The following NEK11 variants were observed in gnomAD, a reference collection of about 807,000 sequenced individuals.
NEK11 encodes the protein serine/threonine-protein kinase Nek11.
NEK11 carries 72 observed loss-of-function variants against 80.7 expected under a neutral mutation model. That is an observed-to-expected ratio of 0.89 (90% CI 0.74 to 1.08). The LOEUF is 1.08. Ranked by LOEUF, NEK11 falls within the 50% of genes least tolerant of loss-of-function variation. The probability of loss-of-function intolerance (pLI) is 0.00; values close to 1 mark genes in which losing one functional copy is unlikely to be tolerated. For synonymous variants in NEK11, 251 were observed against 260.7 expected, an observed-to-expected ratio of 0.96 and a Z score of 0.36; for missense variants, 764 against 763.6, an observed-to-expected ratio of 1.00 and a Z score of -0.01.
intron 17 of NEK11, among the ~76,000 whole-genome samples, chr3:131,280,053 T>C (rs1561349037): frequency 1.3e-5 from 2 of 152,308 alleles, no homozygotes; most frequent in East Asian, 3.9e-4. Context: ...TATTGAGATT[T>C]CTAGGGATCA....
intron 17 of NEK11, among the ~76,000 whole-genome samples, chr3:131,297,819 C>A (rs565501652): frequency 2.6e-5 from 4 of 152,274 alleles, no homozygotes; most frequent in Non-Finnish European, 4.4e-5. Context: ...AGTCTTTAAT[C>A]CATCTTGAAT....
In NEK11 at chr3:131,174,410, A is replaced by T. The variant is rs142056524; in HGVS notation, c.1399+3523A>T. 9.7e-3 allele frequency among the ~76,000 whole-genome samples: 1,479 copies of T among 152,346 alleles called. 31 individuals carry two copies. Among genetic ancestry groups the T allele is most frequent in the African/African-American group, 0.034 (1,406 of 41,586 alleles). ...AATTTGTATTTATTTTTTATTTGGC[A>T]TGTATATGTAAAATAAAATTATACA... On this transcript the variant is annotated intron_variant, in intron 14 of 17. Transcript: ENST00000383366.
intron 17 of NEK11, among the ~76,000 whole-genome samples, chr3:131,304,764 G>A (rs1056364205): frequency 5.3e-5 from 8 of 152,094 alleles, no homozygotes; most frequent in African/African-American, 1.2e-4. Context: ...AGGTGTTCCC[G>A]GTCTGCTAGC....
At chr3:131,101,935 A>T (rs2078425429) in intron 4 of NEK11, among the ~76,000 whole-genome samples, 1 of 152,164 alleles carries the variant, frequency 6.6e-6, no homozygotes, top group Admixed American at 6.5e-5. Context: ...TGGTATAGTT[A>T]AGCCTTCTTG....
intron 14 of NEK11, among the ~76,000 whole-genome samples, chr3:131,184,424 CAA>C (rs917582076): frequency 1.3e-5 from 2 of 152,118 alleles, no homozygotes; most frequent in Admixed American, 1.3e-4. Flanking sequence ...ACTCTAAACC[CAA>C]AAGAGTATGG....
At chr3:131,087,344 A>C (rs945697719) in intron 4 of NEK11, among the ~76,000 whole-genome samples, 3 of 150,662 alleles carry the variant, frequency 2.0e-5, no homozygotes, top group Admixed American at 1.3e-4. Flanking sequence ...CCCAGGTTCA[A>C]GCAATTCTCC....
chr3:131,233,022 AAGGAAGGAAG>A (rs2095361300), intron 15 of NEK11, among the ~76,000 whole-genome samples: 1 of 149,478 alleles, frequency 6.7e-6, no homozygotes, highest in African/African-American at 2.5e-5. Context: ...GGAAGGAAGG[AAGGAAGGAAG>A]GAAGGTTGGA....
intron 17 of NEK11, among the ~76,000 whole-genome samples, chr3:131,324,148 A>G (rs1408020269): frequency 6.6e-6 from 1 of 152,202 alleles, no homozygotes; most frequent in Non-Finnish European, 1.5e-5. Context: ...TTTATGGCCA[A>G]TGGGCATGGC....
At chr3:131,290,179 GGCAGA>G (rs2096529135) in intron 17 of NEK11, among the ~76,000 whole-genome samples, 1 of 152,126 alleles carries the variant, frequency 6.6e-6, no homozygotes, top group Non-Finnish European at 1.5e-5. Flanking sequence ...TACACTATTG[GGCAGA>G]GCCCTGTTAC....
intron 3 of NEK11, among the ~76,000 whole-genome samples, chr3:131,045,742 A>G (rs1251077724): frequency 2.0e-5 from 3 of 151,988 alleles, no homozygotes; most frequent in Non-Finnish European, 2.9e-5. Context: ...TGTCTATCTC[A>G]TTTCTTAGGT....
intron 17 of NEK11, among the ~76,000 whole-genome samples, chr3:131,308,284 T>C (rs2096742262): frequency 6.6e-6 from 1 of 152,226 alleles, no homozygotes; most frequent in Admixed American, 6.5e-5. Flanking sequence ...TGGGTTGGTT[T>C]GCCTATTCTT....
chr3:131,158,061 C>A (rs2090977915), intron 10 of NEK11, among the ~76,000 whole-genome samples: 1 of 152,110 alleles, frequency 6.6e-6, no homozygotes, highest in African/African-American at 2.4e-5. Flanking sequence ...ACTCTGCAGG[C>A]AGTCTTACCC....
At chr3:131,312,832 T>G (rs2096795125) in intron 17 of NEK11, among the ~76,000 whole-genome samples, 1 of 151,944 alleles carries the variant, frequency 6.6e-6, no homozygotes, top group Non-Finnish European at 1.5e-5. Context: ...TTTTAAAAAC[T>G]TTTTTTTAGT....
chr3:131,318,849 T>C (rs1334461279), intron 17 of NEK11, among the ~76,000 whole-genome samples: 1 of 151,720 alleles, frequency 6.6e-6, no homozygotes, highest in African/African-American at 2.4e-5. Context: ...TTTGAATAAC[T>C]TAGGACATTC....
intron 17 of NEK11, among the ~76,000 whole-genome samples, chr3:131,348,139 T>G (rs556491589): frequency 7.2e-5 from 11 of 152,286 alleles, no homozygotes; most frequent in Middle Eastern, 3.4e-3. Flanking sequence ...CACATATAAA[T>G]TTTTAGAGTG....
intron 17 of NEK11, chr3:131,330,929 G>GA (rs1489828841): frequency 7.0e-6 from 1 of 142,312 alleles, no homozygotes; most frequent in African/African-American, 2.6e-5. Flanking sequence ...AGAAGGAAGG[G>GA]GGGGGGGCAA....
At chr3:131,134,091 G>A in intron 7 of NEK11, 135 bp downstream of exon 7, 3 of 749,952 alleles carry the variant, frequency 4.0e-6, no homozygotes, top group Non-Finnish European at 5.9e-6. Context: ...CAGAGTAAAA[G>A]AAGGTCTTTT....
intron 17 of NEK11, among the ~76,000 whole-genome samples, chr3:131,347,933 C>T (rs1208164863): frequency 1.3e-5 from 2 of 151,292 alleles, no homozygotes; most frequent in Non-Finnish European, 2.9e-5. Context: ...AAAAAAAATA[C>T]ACATCCTGGT....
intron 4 of NEK11, among the ~76,000 whole-genome samples, chr3:131,090,871 C>G (rs1303356585): frequency 2.0e-5 from 3 of 152,128 alleles, no homozygotes; most frequent in Non-Finnish European, 4.4e-5. Context: ...CTCAAATGCT[C>G]TTCCCACTCC....
Sources: gnomAD v4.1 joint callset for allele counts (sites outside exome capture counted in the v4.1 genomes callset) on GRCh38, gnomAD v4.1.1 for gene constraint, MANE v1.5 for transcripts, NCBI Gene and HGNC (gene_info 2026-07-23, HGNC 2026-07-21) for gene names.